The following TMEM132B variants were observed in gnomAD, a reference collection of about 807,000 sequenced individuals.
TMEM132B encodes transmembrane protein 132B.
A neutral mutation model predicts 90.8 loss-of-function variants in TMEM132B; 18 were observed. The observed-to-expected ratio is 0.20, with a 90% CI of 0.14 to 0.29. The LOEUF (loss-of-function observed/expected upper bound fraction) is 0.29. Ranked by LOEUF, TMEM132B falls within the 10% of genes least tolerant of loss-of-function variation. TMEM132B has a pLI of 1.00. For missense variants in TMEM132B, 1,096 were observed against 1,326.8 expected (o/e 0.83, Z 2.70); for synonymous variants, 504 against 523.3 (o/e 0.96, Z 0.50).
intron 5 of TMEM132B, among the ~76,000 whole-genome samples, chr12:125,591,742 T>G (rs1383928308): frequency 6.6e-6 from 1 of 152,146 alleles, no homozygotes; most frequent in Non-Finnish European, 1.5e-5. Flanking sequence ...GGGTGTTCCT[T>G]GGCTTGTGGC....
intron 3 of TMEM132B, among the ~76,000 whole-genome samples, chr12:125,505,166 CAAA>C (rs71306287): frequency 3.5e-5 from 1 of 28,588 alleles, no homozygotes; most frequent in Admixed American, 5.2e-4. Context: ...CACCAGAGGA[CAAA>C]AAAAAAAAAA....
chr12:125,537,926 T>A (rs1048195482), intron 4 of TMEM132B, among the ~76,000 whole-genome samples: 10 of 152,146 alleles, frequency 6.6e-5, no homozygotes, highest in Admixed American at 3.9e-4. Context: ...AGAGGCCACT[T>A]GACTCCAGAG....
At chr12:125,225,457 A>G (rs906375009) in intron 1 of TMEM132B, among the ~76,000 whole-genome samples, 2 of 152,234 alleles carry the variant, frequency 1.3e-5, no homozygotes, top group Non-Finnish European at 2.9e-5. Flanking sequence ...CCTTGCACAT[A>G]GGCAAGTTTT....
At chr12:125,511,513 AAGAGATAACTGCACAGCTGGTT>A (rs1197913166) in intron 3 of TMEM132B, among the ~76,000 whole-genome samples, 3 of 151,670 alleles carry the variant, frequency 2.0e-5, no homozygotes, top group African/African-American at 7.3e-5. Context: ...TGCTTGGTAG[AAGAGATAACTGCACAGCTGGTT>A]AGAGTTCACA....
chr12:125,511,609 T>C (rs934719544), intron 3 of TMEM132B, among the ~76,000 whole-genome samples: 1 of 151,888 alleles, frequency 6.6e-6, no homozygotes, highest in Non-Finnish European at 1.5e-5. Flanking sequence ...CCAGCGCTTT[T>C]TGGGAGGCCG....
intron 1 of TMEM132B, among the ~76,000 whole-genome samples, chr12:125,295,106 G>A (rs9651880): frequency 0.14 from 20,789 of 152,224 alleles, 1,593 homozygotes; most frequent in African/African-American, 0.2. Context: ...AAAAGTTAAC[G>A]AGAGTCAGCC....
Position 125,519,572 on chromosome 12 carries a change from T to C in TMEM132B, c.1240T>C (p.Ser414Pro), listed in dbSNP as rs1481213152. The change falls in exon 4 of 9, where the codon TCC (serine) becomes CCC (proline). Residue 414 changes from serine to proline, a missense_variant. By Grantham distance (74) the Ser-to-Pro change is moderately conservative. Transcript: ENST00000682704. ...IEDSMSELVVSEIFVSQTTFV... is the reference protein window; with the variant it reads ...IEDSMSELVVPEIFVSQTTFV... ...GGACTCCATGAGTGAGCTGGTCGTC[T>C]CCGAGATCTTCGTCAGCCAGACAAC... 6.2e-7 allele frequency: 1 copy of C among 1,614,092 alleles called. No individual in the cohort carries two copies. Among genetic ancestry groups the C allele is most frequent in the Non-Finnish European group, 8.5e-7 (1 of 1,179,992 alleles).
At chr12:125,647,520 G>A (rs192090993) in intron 6 of TMEM132B, among the ~76,000 whole-genome samples, 20 of 152,318 alleles carry the variant, frequency 1.3e-4, no homozygotes, top group Non-Finnish European at 2.6e-4. Flanking sequence ...AACCACGGAG[G>A]CCAGAAGGAT....
At chr12:125,187,736 C>T (rs959947388) in intron 1 of TMEM132B, among the ~76,000 whole-genome samples, 12 of 152,092 alleles carry the variant, frequency 7.9e-5, no homozygotes, top group African/African-American at 2.4e-4. Flanking sequence ...CATGTTGGTT[C>T]TATAGAAAGC....
At chr12:125,400,331 T>C (rs1398913537) in intron 2 of TMEM132B, among the ~76,000 whole-genome samples, 3 of 152,226 alleles carry the variant, frequency 2.0e-5, no homozygotes, top group Non-Finnish European at 4.4e-5. Flanking sequence ...ACGTGTTGCC[T>C]GGGGAAAGTT....
In TMEM132B at chr12:125,658,372, T is replaced by C. The variant is rs1887120467; in HGVS notation, c.*3662T>C. The C allele has an allele frequency of 6.6e-6, 1 of 152,240 alleles. No individual in the cohort carries two copies. The highest frequency in any genetic ancestry group is 1.5e-5 in the Non-Finnish European group (1 of 68,038). 9.4% of individuals were successfully genotyped at this position (152,240 alleles called of 1,614,324 possible). A position where few individuals can be genotyped will look rare whatever the true frequency, so the allele number is the denominator to read the frequency against. ...TGTCGGGGCCCTGTCAGAGAACTAT[T>C]ATTAAGGCTCTGTGAGGGAACTGTT... On this transcript the variant is annotated 3_prime_UTR_variant, in exon 9 of 9. Transcript: ENST00000682704.
At chr12:125,361,029 A>C (rs1408886617) in intron 2 of TMEM132B, among the ~76,000 whole-genome samples, 1 of 152,092 alleles carries the variant, frequency 6.6e-6, no homozygotes, top group Non-Finnish European at 1.5e-5. Context: ...GAAGCTACCA[A>C]GCCTAGTGCC....
intron 3 of TMEM132B, among the ~76,000 whole-genome samples, chr12:125,512,127 CA>C (rs1318375529): frequency 1.3e-4 from 20 of 152,270 alleles, no homozygotes; most frequent in Admixed American, 2.6e-4. Context: ...AGCTCAAAAC[CA>C]AGTGTGTTTT....
chr12:125,432,366 AATATATATATATAT>A lies in TMEM132B; in HGVS notation c.1106+16708_1106+16721del, dbSNP rs749081900. On this transcript the variant is annotated intron_variant, in intron 3 of 8. Transcript: ENST00000682704. ...GTGAATGGGCCAAGGGAATTCCTTG[AATATATATATATAT>A]ATATATATATATATATATGTATGTA... Among the ~76,000 whole-genome samples the A allele has an allele frequency of 3.1e-3, 37 of 11,914 alleles. 10 individuals carry two copies. Among genetic ancestry groups the A allele is most frequent in the Admixed American group, 0.012 (11 of 898 alleles). The allele number at this position is 11,914 out of a possible 152,430, so 7.8% of individuals were successfully genotyped here. A position where few individuals can be genotyped will look rare whatever the true frequency, so the allele number is the denominator to read the frequency against.
At chr12:125,242,068 G>A (rs1874082995) in intron 1 of TMEM132B, among the ~76,000 whole-genome samples, 1 of 152,168 alleles carries the variant, frequency 6.6e-6, no homozygotes, top group Non-Finnish European at 1.5e-5. Context: ...TTAACTATAT[G>A]CCAAGTCCTG....
At chr12:125,423,258 A>G (rs1045696780) in intron 3 of TMEM132B, among the ~76,000 whole-genome samples, 2 of 152,202 alleles carry the variant, frequency 1.3e-5, no homozygotes, top group Non-Finnish European at 2.9e-5. Context: ...GAGATACACA[A>G]TTCTTAGATT....
chr12:125,231,836 G>A (rs1341732931), intron 1 of TMEM132B, among the ~76,000 whole-genome samples: 2 of 151,016 alleles, frequency 1.3e-5, no homozygotes, highest in African/African-American at 2.4e-5. Flanking sequence ...CATGTACTTC[G>A]TAAAAACAGT....
At chr12:125,653,129 C>T (rs1431767642) in intron 8 of TMEM132B, among the ~76,000 whole-genome samples, 1 of 152,236 alleles carries the variant, frequency 6.6e-6, no homozygotes, top group Non-Finnish European at 1.5e-5. Flanking sequence ...CCTCACAATG[C>T]ACCTTCCCGA....
chr12:125,290,251 T>A (rs1419419018), intron 1 of TMEM132B, among the ~76,000 whole-genome samples: 1 of 152,228 alleles, frequency 6.6e-6, no homozygotes, highest in Non-Finnish European at 1.5e-5. Context: ...AGCTTCACTT[T>A]CAACTTTCTG....
Sources: allele counts gnomAD v4.1 joint callset (sites outside exome capture counted in the v4.1 genomes callset), GRCh38; gene constraint gnomAD v4.1.1; transcripts MANE v1.5; gene names NCBI Gene and HGNC (gene_info 2026-07-23, HGNC 2026-07-21).